The following ENTHD1 variants were observed in gnomAD, a reference collection of about 807,000 sequenced individuals.
ENTHD1 encodes the protein ENTH domain-containing protein 1.
A neutral mutation model predicts 39.1 loss-of-function variants in ENTHD1; 23 were observed. The observed-to-expected ratio is 0.59, with a 90% CI of 0.42 to 0.83. ENTHD1 has a LOEUF of 0.83. Ranked by LOEUF, ENTHD1 falls within the 40% of genes least tolerant of loss-of-function variation. ENTHD1 has a pLI of 0.00. For missense variants in ENTHD1, 624 were observed against 705.4 expected (o/e 0.88, Z 1.31); for synonymous variants, 230 against 258.2 (o/e 0.89, Z 1.05).
At chr22:39,872,304 T>C (rs1401550569) in intron 2 of ENTHD1, among the ~76,000 whole-genome samples, 1 of 152,258 alleles carries the variant, frequency 6.6e-6, no homozygotes, top group East Asian at 1.9e-4. Flanking sequence ...TTTCCTATTT[T>C]ATTTTTCTTG....
chr22:39,885,768 T>G (rs1391357012), intron 2 of ENTHD1, among the ~76,000 whole-genome samples: 3 of 152,144 alleles, frequency 2.0e-5, no homozygotes, highest in Non-Finnish European at 4.4e-5. Context: ...AAGAGATACC[T>G]AGAACAGGAA....
At chr22:39,853,472 A>C (rs1442421053) in intron 3 of ENTHD1, among the ~76,000 whole-genome samples, 2 of 152,118 alleles carry the variant, frequency 1.3e-5, no homozygotes, top group African/African-American at 4.8e-5. Flanking sequence ...GGGGCATTGC[A>C]GTGAGCTGCA....
At chr22:39,886,656 A>G (rs1273257297) in intron 2 of ENTHD1, among the ~76,000 whole-genome samples, 1 of 152,178 alleles carries the variant, frequency 6.6e-6, no homozygotes, top group African/African-American at 2.4e-5. Context: ...CATTTTGAAC[A>G]CAAATTATAA....
intron 3 of ENTHD1, among the ~76,000 whole-genome samples, chr22:39,850,201 A>C (rs1475803480): frequency 2.6e-5 from 4 of 152,164 alleles, no homozygotes; most frequent in Non-Finnish European, 4.4e-5. Flanking sequence ...TAGATATTTC[A>C]ATTTATTCCT....
At chr22:39,861,471 CAG>C (rs1486862546) in intron 3 of ENTHD1, among the ~76,000 whole-genome samples, 1 of 152,070 alleles carries the variant, frequency 6.6e-6, no homozygotes, top group African/African-American at 2.4e-5. Context: ...ACCCAGGAGA[CAG>C]AGGTTGCAGT....
intron 3 of ENTHD1, among the ~76,000 whole-genome samples, chr22:39,858,075 T>C (rs2066109410): frequency 6.6e-6 from 1 of 152,230 alleles, no homozygotes. Context: ...TGTGATGCTG[T>C]TTGATAGCAT....
intron 3 of ENTHD1, among the ~76,000 whole-genome samples, chr22:39,859,025 C>T (rs978550215): frequency 1.7e-4 from 26 of 152,340 alleles, no homozygotes; most frequent in Middle Eastern, 3.4e-3. Context: ...TTCTGGATAA[C>T]TTGCTACAGC....
chr22:39,768,041 G>T (rs2065291465), intron 5 of ENTHD1, among the ~76,000 whole-genome samples: 1 of 152,038 alleles, frequency 6.6e-6, no homozygotes, highest in Non-Finnish European at 1.5e-5. Flanking sequence ...GATTTGAAAT[G>T]GATAGTACAT....
At chr22:39,878,011 G>T (rs996816718) in intron 2 of ENTHD1, among the ~76,000 whole-genome samples, 1 of 152,062 alleles carries the variant, frequency 6.6e-6, no homozygotes, top group Non-Finnish European at 1.5e-5. Flanking sequence ...ATTAGACTAG[G>T]AATTTAAAAT....
At chr22:39,776,397 T>C (rs1446397142) in intron 5 of ENTHD1, among the ~76,000 whole-genome samples, 1 of 152,218 alleles carries the variant, frequency 6.6e-6, no homozygotes, top group Non-Finnish European at 1.5e-5. Flanking sequence ...TGAACCTGAA[T>C]GTCAAAGAGC....
intron 4 of ENTHD1, among the ~76,000 whole-genome samples, chr22:39,824,332 C>A (rs2065808896): frequency 6.7e-6 from 1 of 150,346 alleles, no homozygotes; most frequent in Admixed American, 6.7e-5. Flanking sequence ...GCCTCAGCCT[C>A]CCAAGTAGCT....
intron 4 of ENTHD1, among the ~76,000 whole-genome samples, chr22:39,825,013 T>A (rs2146656667): frequency 6.6e-6 from 1 of 152,360 alleles, no homozygotes; most frequent in South Asian, 2.1e-4. Flanking sequence ...GGGTCATCTG[T>A]ACTATGACCT....
chr22:39,861,796 C>G lies in ENTHD1; in HGVS notation c.561G>C (p.Lys187Asn). The G allele has an allele frequency of 6.3e-7, 1 of 1,579,172 alleles. No individual in the cohort carries two copies. The highest frequency in any genetic ancestry group is 8.6e-7 in the Non-Finnish European group (1 of 1,158,378). ...PDISASEKKY[K>N]LPKFGRLHNK... Reference sequence around the variant, plus strand: ...TATGTAACCTTCCAAACTTAGGAAGCTTATACTTCTTCTCTGAAGCAGAAA... The same window carrying G: ...TATGTAACCTTCCAAACTTAGGAAGGTTATACTTCTTCTCTGAAGCAGAAA... Residue 187 changes from lysine to asparagine, a missense_variant, in exon 3 of 7, where the codon AAG (lysine) becomes AAC (asparagine). By Grantham distance (94) the Lys-to-Asn change is moderately conservative (BLOSUM62 0). Coordinates refer to ENST00000325157, the MANE Select transcript of ENTHD1 (RefSeq NM_152512.4).
intron 5 of ENTHD1, among the ~76,000 whole-genome samples, chr22:39,769,968 T>TA (rs892932141): frequency 6.6e-6 from 1 of 152,186 alleles, no homozygotes; most frequent in Non-Finnish European, 1.5e-5. Flanking sequence ...CTGGGTATCT[T>TA]AGAGGTCTGA....
chr22:39,775,913 T>C, intron 5 of ENTHD1, among the ~76,000 whole-genome samples: 1 of 152,118 alleles, frequency 6.6e-6, no homozygotes, highest in Non-Finnish European at 1.5e-5. Context: ...TTTTAAGGGG[T>C]TGGGGGCAGG....
chr22:39,890,200 C>G (rs757324878), intron 1 of ENTHD1, among the ~76,000 whole-genome samples: 10 of 151,762 alleles, frequency 6.6e-5, no homozygotes, highest in Non-Finnish European at 1.2e-4. Context: ...CAGAAAGACA[C>G]TATCATTAAC....
At chr22:39,761,857 T>G (rs753257535) in intron 6 of ENTHD1, among the ~76,000 whole-genome samples, 3 of 152,204 alleles carry the variant, frequency 2.0e-5, no homozygotes, top group Non-Finnish European at 4.4e-5. Context: ...TAAATGGATT[T>G]GTAATAGCTG....
rs147734645 is a variant in ENTHD1 at position 39,803,887 on chromosome 22, T to G, written c.832+17106A>C. Among the ~76,000 whole-genome samples, 494 of 152,258 alleles carry G rather than the reference T, an allele frequency of 3.2e-3. 5 individuals carry two copies. The highest frequency in any genetic ancestry group is 0.011 in the African/African-American group (474 of 41,528). On this transcript the variant is annotated intron_variant, in intron 5 of 6. Transcript: ENST00000325157. ...ACAAAGAATCAATGATCTGGTCAGG[T>G]GCGGTGGCTCATGCTTGTAATCCTA...
chr22:39,784,773 TGGGAAGGGTGGAGTGGGGATGCA>T (rs1298762485), intron 5 of ENTHD1, among the ~76,000 whole-genome samples: 1 of 152,070 alleles, frequency 6.6e-6, no homozygotes, highest in Non-Finnish European at 1.5e-5. Flanking sequence ...TACCAGGGGC[TGGGAAGGGTGGAGTGGGGATGCA>T]GGGAAGTTGA....
Sources: allele counts gnomAD v4.1 joint callset (sites outside exome capture counted in the v4.1 genomes callset), GRCh38; gene constraint gnomAD v4.1.1; transcripts MANE v1.5; gene names NCBI Gene and HGNC (gene_info 2026-07-23, HGNC 2026-07-21).